Variants in CRPPA observed in about 807,000 individuals in gnomAD.
The protein encoded by CRPPA is D-ribitol-5-phosphate cytidylyltransferase.
A neutral mutation model predicts 52.0 loss-of-function variants in CRPPA; 43 were observed. That is an observed-to-expected ratio of 0.83 (90% CI 0.65 to 1.07). The LOEUF is 1.07. Among genes scored for constraint, CRPPA ranks in the 50% least tolerant of loss-of-function variants. CRPPA has a pLI of 0.00. For missense variants in CRPPA, 629 were observed against 551.7 expected (o/e 1.14, Z -1.40); for synonymous variants, 250 against 203.5 (o/e 1.23, Z -1.94).
intron 3 of CRPPA, among the ~76,000 whole-genome samples, chr7:16,362,012 G>A (rs150521668): frequency 0.027 from 4,161 of 152,108 alleles, 189 homozygotes; most frequent in African/African-American, 0.095. Flanking sequence ...CTGCCATCAC[G>A]CCCAGTTAAT....
chr7:16,309,409 A>G (rs1291964649), intron 3 of CRPPA, among the ~76,000 whole-genome samples: 2 of 152,188 alleles, frequency 1.3e-5, no homozygotes, highest in African/African-American at 4.8e-5. Context: ...AGAACCTGAT[A>G]GATGCAGCAC....
intron 3 of CRPPA, among the ~76,000 whole-genome samples, chr7:16,319,138 A>C (rs992396068): frequency 1.3e-5 from 2 of 152,154 alleles, no homozygotes; most frequent in African/African-American, 4.8e-5. Flanking sequence ...TATATTATTA[A>C]AATTTGTTTC....
chr7:16,368,930 T>C (rs1786678254), intron 3 of CRPPA, among the ~76,000 whole-genome samples: 1 of 152,224 alleles, frequency 6.6e-6, no homozygotes. Context: ...ATCAAATCTG[T>C]TTATATAACT....
intron 1 of CRPPA, among the ~76,000 whole-genome samples, chr7:16,416,133 G>A (rs983706877): frequency 3.9e-5 from 6 of 152,212 alleles, no homozygotes; most frequent in African/African-American, 4.8e-5. Context: ...GTCAAATTCA[G>A]GGCATCAATT....
intron 6 of CRPPA, among the ~76,000 whole-genome samples, chr7:16,266,704 T>G (rs1436472703): frequency 6.6e-6 from 1 of 152,040 alleles, no homozygotes; most frequent in Non-Finnish European, 1.5e-5. Context: ...GTCTCGAACC[T>G]CTGACCTTAG....
At chr7:16,244,168 G>T (rs1175361937) in intron 8 of CRPPA, among the ~76,000 whole-genome samples, 2 of 151,528 alleles carry the variant, frequency 1.3e-5, no homozygotes, top group African/African-American at 4.9e-5. Flanking sequence ...GTGAAAATTT[G>T]TTCCCTTCTG....
chr7:16,360,221 T>C (rs765332443), intron 3 of CRPPA, among the ~76,000 whole-genome samples: 1 of 152,214 alleles, frequency 6.6e-6, no homozygotes, highest in Non-Finnish European at 1.5e-5. Flanking sequence ...CTGTAGTACA[T>C]GAGGAAGATA....
At chr7:16,159,332 G>A (rs1230813675) in intron 9 of CRPPA, among the ~76,000 whole-genome samples, 1 of 152,084 alleles carries the variant, frequency 6.6e-6, no homozygotes, top group African/African-American at 2.4e-5. Context: ...CCCAAACTGA[G>A]ATTAAGGAAC....
chr7:16,384,393 C>G (rs373573903), intron 2 of CRPPA, among the ~76,000 whole-genome samples: 11 of 152,118 alleles, frequency 7.2e-5, no homozygotes, highest in African/African-American at 2.7e-4. Flanking sequence ...GTGAAAGCCA[C>G]GGGAAAACAA....
intron 3 of CRPPA, among the ~76,000 whole-genome samples, chr7:16,351,994 C>T (rs1036161436): frequency 6.6e-6 from 1 of 152,118 alleles, no homozygotes; most frequent in African/African-American, 2.4e-5. Context: ...TTTACAATAG[C>T]AGAGACTTGG....
intron 9 of CRPPA, among the ~76,000 whole-genome samples, chr7:16,183,845 T>C (rs999251401): frequency 1.3e-5 from 2 of 152,196 alleles, no homozygotes; most frequent in Non-Finnish European, 2.9e-5. Context: ...TATTATTTCC[T>C]GAAAAATACC....
intron 9 of CRPPA, among the ~76,000 whole-genome samples, chr7:16,149,740 A>G (rs965724808): frequency 1.3e-5 from 2 of 152,140 alleles, no homozygotes; most frequent in African/African-American, 2.4e-5. Context: ...AATCCCAGCA[A>G]TTTGGGAGGC....
intron 9 of CRPPA, among the ~76,000 whole-genome samples, chr7:16,101,148 C>G (rs570834376): frequency 6.6e-6 from 1 of 152,222 alleles, no homozygotes; most frequent in East Asian, 1.9e-4. Flanking sequence ...GTGTTTGTAT[C>G]AGGATGATGC....
chr7:16,340,078 T>G (rs1008443211), intron 3 of CRPPA, among the ~76,000 whole-genome samples: 1 of 152,128 alleles, frequency 6.6e-6, no homozygotes, highest in African/African-American at 2.4e-5. Flanking sequence ...CTAGAAAGAC[T>G]TTACATCTTT....
intron 9 of CRPPA, among the ~76,000 whole-genome samples, chr7:16,131,060 A>G (rs530270212): frequency 1.3e-5 from 2 of 152,358 alleles, no homozygotes; most frequent in African/African-American, 4.8e-5. Flanking sequence ...ACAACTGTGA[A>G]AAAACAAATT....
At chr7:16,283,257 T>C (rs1158531604) in intron 5 of CRPPA, among the ~76,000 whole-genome samples, 1 of 148,408 alleles carries the variant, frequency 6.7e-6, no homozygotes, top group Non-Finnish European at 1.5e-5. Flanking sequence ...CTACCATATA[T>C]ATATATATAA....
chr7:16,377,950 C>A (rs10252363), intron 2 of CRPPA, among the ~76,000 whole-genome samples: 12 of 151,920 alleles, frequency 7.9e-5, no homozygotes, highest in Admixed American at 3.3e-4. Context: ...CTCACACATA[C>A]GGCAGTTTTC....
intron 9 of CRPPA, among the ~76,000 whole-genome samples, chr7:16,147,489 C>T (rs1037645118): frequency 3.3e-5 from 5 of 152,180 alleles, no homozygotes; most frequent in Non-Finnish European, 7.3e-5. Flanking sequence ...CTCTACCAAG[C>T]ACAGTCTTCT....
chr7:16,265,469 T>C (rs1306382422), intron 6 of CRPPA, among the ~76,000 whole-genome samples: 1 of 152,116 alleles, frequency 6.6e-6, no homozygotes, highest in Non-Finnish European at 1.5e-5. Context: ...CAGTGCTACA[T>C]AGTGCAGTGG....
Sources: gnomAD v4.1 joint callset for allele counts (sites outside exome capture counted in the v4.1 genomes callset) on GRCh38, gnomAD v4.1.1 for gene constraint, MANE v1.5 for transcripts, NCBI Gene and HGNC (gene_info 2026-07-23, HGNC 2026-07-21) for gene names.